ERBB2: variants seen among roughly 807,000 people sequenced by gnomAD.
ERBB2 encodes erb-b2 receptor tyrosine kinase 2.
A neutral mutation model predicts 149.0 loss-of-function variants in ERBB2; 61 were observed. That is an observed-to-expected ratio of 0.41 (90% confidence interval 0.33 to 0.51). The LOEUF (loss-of-function observed/expected upper bound fraction) is 0.51, where lower values mean the gene tolerates loss of function less well. Ranked by LOEUF, ERBB2 falls within the 20% of genes least tolerant of loss-of-function variation. ERBB2 has a pLI of 0.25. For synonymous variants in ERBB2, 633 were observed against 678.8 expected (o/e 0.93, Z 1.05); for missense variants, 1,205 against 1,655.1 (o/e 0.73, Z 4.72).
At chr17:39,722,617 G>A (rs1330221696) in intron 16 of ERBB2, among the ~76,000 whole-genome samples, 1 of 152,216 alleles carries the variant, frequency 6.6e-6, no homozygotes, top group African/African-American at 2.4e-5. Flanking sequence ...CTGAGCACGT[G>A]TAAGCCAGGC....
chr17:39,700,362 G>C, intron 1 of ERBB2, 51 bp downstream of exon 1: 1 of 1,257,216 alleles, frequency 8.0e-7, no homozygotes, highest in Non-Finnish European at 1.0e-6. Flanking sequence ...CCTGCCCTGT[G>C]GATGCCCCGC....
Position 39,723,741 on chromosome 17 carries a change from A to AG in ERBB2, c.2208+85dup. ...GGGTGTGGTCGGCAGTTCTGATGGG[A>AG]GGGGCAAGAGCTGGAGGCAGTGTTT... On this transcript the variant is annotated intron_variant, in intron 18 of 26. Coordinates refer to ENST00000269571, the MANE Select transcript of ERBB2 (RefSeq NM_004448.4). This position sits in a 1 kb window ranked among gnomAD's most constrained non-coding sequence, Gnocchi z 6.2. 6.5e-7 allele frequency: 1 copy of AG among 1,547,490 alleles called. No homozygotes were observed. Among genetic ancestry groups the AG allele is most frequent in the Non-Finnish European group, 8.7e-7 (1 of 1,142,870 alleles).
chr17:39,717,611 T>A, intron 15 of ERBB2, 131 bp downstream of exon 15: 1 of 716,388 alleles, frequency 1.4e-6, no homozygotes, highest in East Asian at 2.8e-5. Flanking sequence ...TAACACATTG[T>A]TAAAATTGTA....
intron 1 of ERBB2, among the ~76,000 whole-genome samples, chr17:39,702,221 G>T (rs964567432): frequency 6.6e-6 from 1 of 152,332 alleles, no homozygotes; most frequent in African/African-American, 2.4e-5. Context: ...GATCACCTGA[G>T]CCCAGGAAGT....
upstream of ERBB2, among the ~76,000 whole-genome samples, chr17:39,697,855 A>T (rs973245358): frequency 6.6e-6 from 1 of 151,172 alleles, no homozygotes; most frequent in Non-Finnish European, 1.5e-5. Context: ...CACCACACCT[A>T]GTTAATTTTT....
At position 39,722,668 on chromosome 17, in the gene ERBB2, G is replaced by A. The variant is rs141915675; in HGVS notation, c.1947-651G>A. On this transcript the variant is annotated intron_variant, in intron 16 of 26. Coordinates refer to ENST00000269571, the MANE Select transcript of ERBB2 (RefSeq NM_004448.4). ...CATTTTCAGTTTCAACTTAGAATTG[G>A]TTTATCAGGACGTAGCCCCTTGGTG... Among the ~76,000 whole-genome samples, 418 of 152,028 alleles carry A rather than the reference G, an allele frequency of 2.7e-3. 3 individuals carry two copies. In the Middle Eastern group the frequency reaches 0.068, roughly 25 times the overall value.
chr17:39,699,420 C>A, upstream of ERBB2: 1 of 740,920 alleles, frequency 1.3e-6, no homozygotes, highest in Non-Finnish European at 2.2e-6. Context: ...GAGATCGCGC[C>A]ATTGCTCTCC....
At chr17:39,715,072 A>G (rs1232029119) in intron 9 of ERBB2, among the ~76,000 whole-genome samples, 1 of 152,192 alleles carries the variant, frequency 6.6e-6, no homozygotes, top group Non-Finnish European at 1.5e-5. Flanking sequence ...CCAGGCAGAA[A>G]TAAGATTTCT....
chr17:39,710,305 A>G (rs1391464193), intron 6 of ERBB2, 35 bp from the exon 7 acceptor site: 2 of 1,613,950 alleles, frequency 1.2e-6, no homozygotes, highest in East Asian at 2.2e-5. Flanking sequence ...CCAGGGCAAA[A>G]CAGCACAGTG....
chr17:39,711,866 T>G, intron 7 of ERBB2, 62 bp from the exon 8 acceptor site: 1 of 1,607,450 alleles, frequency 6.2e-7, no homozygotes, highest in South Asian at 1.1e-5. Flanking sequence ...GGCACGGTAA[T>G]GCTGCTCATG....
rs1469076834 is a variant in ERBB2, at chr17:39,723,766, T to TG, written c.2208+111dup. 18 of 1,522,476 alleles carry TG rather than the reference T, an allele frequency of 1.2e-5. No individual in the cohort carries two copies. The highest frequency in any genetic ancestry group is 7.8e-5 in the Admixed American group (4 of 51,128). 94.3% of individuals were successfully genotyped at this position (1,522,476 alleles called of 1,614,324 possible). A position where few individuals can be genotyped will look rare whatever the true frequency, so the allele number is the denominator to read the frequency against. ...AGGGGCAAGAGCTGGAGGCAGTGTT[T>TG]GGGGGAGGGCAGTTACAGCGGAGAA... On this transcript the variant is annotated intron_variant, in intron 18 of 26. Coordinates refer to ENST00000269571, the MANE Select transcript of ERBB2 (RefSeq NM_004448.4). This position sits in a 1 kb window ranked among gnomAD's most constrained non-coding sequence, Gnocchi z 6.2.
Position 39,700,275 on chromosome 17 carries a change from C to T in ERBB2, c.37C>T (p.Leu13Phe), listed in dbSNP as rs1263781765. The T allele has an allele frequency of 7.0e-7, 1 of 1,436,340 alleles. No homozygotes were observed. The allele number at this position is 1,436,340 out of a possible 1,614,324, so 89.0% of individuals were successfully genotyped here. A position where few individuals can be genotyped will look rare whatever the true frequency, so the allele number is the denominator to read the frequency against. Residue 13 changes from leucine to phenylalanine, a missense_variant, in exon 1 of 27, where the codon CTC becomes TTC. Leu to Phe is a conservative substitution (Grantham distance 22). Transcript: ENST00000269571. The stretch of plus-strand genomic sequence containing the variant: ...GGCCTTGTGCCGCTGGGGGCTCCTC[C>T]TCGCCCTCTTGCCCCCCGGAGCCGC... ...LAALCRWGLLLALLPPGAAST... is the reference protein window; with the variant it reads ...LAALCRWGLLFALLPPGAAST...
rs2145489092 is a variant in ERBB2 at position 39,709,796 on chromosome 17, T to C, written c.575-17T>C. ...TTAGACATCTCTCTCACTGCCTGTC[T>C]CTGGTTCTGTCCTCAGGCCACCCCT... On this transcript the variant is annotated splice_polypyrimidine_tract_variant and intron_variant, in intron 4 of 26. Coordinates refer to ENST00000269571, the MANE Select transcript of ERBB2 (RefSeq NM_004448.4). 6.2e-7 allele frequency: 1 copy of C among 1,610,736 alleles called. No homozygotes were observed. The highest frequency in any genetic ancestry group is 8.5e-7 in the Non-Finnish European group (1 of 1,178,378).
chr17:39,707,002 CAGACA>C lies in ERBB2; in HGVS notation c.87_91del (p.Asp30GlufsTer78). ...TCTCTCCTGCCAGTGTGCACCGGCA[CAGACA>C]TGAAGCTGCGGCTCCCTGCCAGTCC... On this transcript the variant is annotated frameshift_variant, in exon 2 of 27. Coordinates refer to ENST00000269571, the MANE Select transcript of ERBB2 (RefSeq NM_004448.4). LOFTEE classifies it high-confidence loss of function. 1 of 1,589,564 alleles carries C rather than the reference CAGACA, an allele frequency of 6.3e-7. No individual in the cohort carries two copies. The highest frequency in any genetic ancestry group is 8.6e-7 in the Non-Finnish European group (1 of 1,167,616).
rs752669313 is a variant in ERBB2, at chr17:39,723,425, T to C, written c.2053T>C (p.Tyr685His). ...GCGACGGCAGCAGAAGATCCGGAAGTACACGATGCGGAGACTGCTGCAGGA... is the reference window on the plus strand; with the variant it reads ...GCGACGGCAGCAGAAGATCCGGAAGCACACGATGCGGAGACTGCTGCAGGA... ...IKRRQQKIRKYTMRRLLQETE... is the reference protein window; with the variant it reads ...IKRRQQKIRKHTMRRLLQETE... The change falls in exon 17 of 27, where the codon TAC (tyrosine) becomes CAC (histidine). Residue 685 changes from tyrosine (Y) to histidine (H), a missense_variant. Physicochemically the swap from Tyr to His is moderately conservative, Grantham distance 83. Coordinates refer to ENST00000269571, the MANE Select transcript of ERBB2 (RefSeq NM_004448.4). The surrounding 1 kb of genome is among the most constrained non-coding windows in gnomAD (Gnocchi z 6.2). 16 of 1,614,150 alleles carry C rather than the reference T, an allele frequency of 9.9e-6. No homozygotes were observed. The highest frequency in any genetic ancestry group is 1.2e-5 in the Non-Finnish European group (14 of 1,180,018).
At position 39,710,127 on chromosome 17, in the gene ERBB2, G is replaced by C. The variant is rs981689859; in HGVS notation, c.685G>C (p.Gly229Arg). The C allele has an allele frequency of 6.2e-7, 1 of 1,611,064 alleles. No homozygotes were observed. The highest frequency in any genetic ancestry group is 8.5e-7 in the Non-Finnish European group (1 of 1,179,582). Residue 229 changes from glycine (G) to arginine (R), a missense_variant, in exon 6 of 27, where the codon GGG becomes CGG. Transcript: ENST00000269571. Reference protein sequence around the residue: ...VCAGGCARCKGPLPTDCCHEQ... With the variant: ...VCAGGCARCKRPLPTDCCHEQ... ...TGCCGGTGGCTGTGCCCGCTGCAAG[G>C]GGCCACTGCCCACTGACTGCTGCCA...
intron 1 of ERBB2, among the ~76,000 whole-genome samples, chr17:39,704,702 C>T (rs2058320861): frequency 1.3e-5 from 2 of 152,138 alleles, no homozygotes; most frequent in South Asian, 4.2e-4. Flanking sequence ...AGCAAGCCTC[C>T]AGTTCCCTGG....
At chr17:39,695,310 GGC>G (rs1034749316), upstream of ERBB2, 2 of 152,222 alleles carry the variant, frequency 1.3e-5, no homozygotes, top group Non-Finnish European at 2.9e-5. Context: ...CAGAGTGTCT[GGC>G]AAGCTTGGCT....
At chr17:39,716,062 T>C in intron 12 of ERBB2, 123 bp downstream of exon 12, 1 of 1,117,608 alleles carries the variant, frequency 8.9e-7, no homozygotes, top group South Asian at 1.5e-5. Flanking sequence ...CCTTCTTGAC[T>C]CAGCACAGCT....
Sources: allele counts gnomAD v4.1 joint callset (sites outside exome capture counted in the v4.1 genomes callset), GRCh38; gene constraint gnomAD v4.1.1; non-coding constraint Gnocchi (gnomAD v3.1); transcripts MANE v1.5; gene names NCBI Gene and HGNC (gene_info 2026-07-23, HGNC 2026-07-21).